Variants in ABCC4 observed in about 807,000 individuals in gnomAD.
ABCC4 encodes ATP-binding cassette sub-family C member 4.
ABCC4 carries 102 observed loss-of-function variants against 168.5 expected under a neutral mutation model. The observed-to-expected ratio is 0.61, with a 90% CI of 0.52 to 0.71. The LOEUF is 0.71. Among genes scored for constraint, ABCC4 ranks in the 30% least tolerant of loss-of-function variants. The probability of loss-of-function intolerance (pLI) is 0.00; values close to 1 mark genes in which losing one functional copy is unlikely to be tolerated. For missense variants in ABCC4, 1,402 were observed against 1,605.8 expected (o/e 0.87, Z 2.17); for synonymous variants, 617 against 590.7 (o/e 1.04, Z -0.65).
At chr13:95,068,494 G>A (rs1189455) in intron 25 of ABCC4, among the ~76,000 whole-genome samples, 56,759 of 152,040 alleles carry the variant, frequency 0.37, 12,027 homozygotes, top group South Asian at 0.63. Flanking sequence ...GCATGGCAGC[G>A]GGTGCCTGTA....
At chr13:95,058,296 A>C (rs539305063) in intron 26 of ABCC4, among the ~76,000 whole-genome samples, 38 of 152,196 alleles carry the variant, frequency 2.5e-4, no homozygotes, top group Admixed American at 9.2e-4. Context: ...AACCTTTTGT[A>C]AGTTGGGTAG....
chr13:95,188,631 G>C lies in ABCC4; in HGVS notation c.1264-89C>G. ...AGAAGAAAACAATACAACAGTCATT[G>C]ATACATGAACATAACCCAAATCTTT... On this transcript the variant is annotated intron_variant, in intron 9 of 30. Coordinates refer to ENST00000645237, the MANE Select transcript of ABCC4 (RefSeq NM_005845.5). 7 of 1,055,216 alleles carry C rather than the reference G, an allele frequency of 6.6e-6. No homozygotes were observed. In the South Asian group the frequency reaches 1.1e-4, roughly 16 times the overall value. 65.4% of individuals were successfully genotyped at this position (1,055,216 alleles called of 1,614,324 possible). A position where few individuals can be genotyped will look rare whatever the true frequency, so the allele number is the denominator to read the frequency against.
chr13:95,100,841 A>T (rs116420740), intron 20 of ABCC4, among the ~76,000 whole-genome samples: 3,588 of 152,278 alleles, frequency 0.024, 95 homozygotes, highest in African/African-American at 0.067. Flanking sequence ...CTTTTGTCCA[A>T]TGGGGATTTG....
At chr13:95,022,094 A>G (rs568335603) in intron 30 of ABCC4, among the ~76,000 whole-genome samples, 1 of 152,326 alleles carries the variant, frequency 6.6e-6, no homozygotes, top group Non-Finnish European at 1.5e-5. Flanking sequence ...GGATGTTAAT[A>G]TCAAGTTGTA....
At chr13:95,089,696 T>C (rs1011762846) in intron 20 of ABCC4, among the ~76,000 whole-genome samples, 1 of 152,022 alleles carries the variant, frequency 6.6e-6, no homozygotes, top group African/African-American at 2.4e-5. Flanking sequence ...ACAAGCCTGA[T>C]TTAAGATCTG....
chr13:95,098,542 T>C (rs1336386314), intron 20 of ABCC4, among the ~76,000 whole-genome samples: 1 of 152,132 alleles, frequency 6.6e-6, no homozygotes, highest in Non-Finnish European at 1.5e-5. Flanking sequence ...AAATGTGAGA[T>C]TATGAACAGT....
At chr13:95,207,775 T>C (rs1231315468) in intron 7 of ABCC4, 25 bp downstream of exon 7, 3 of 1,592,732 alleles carry the variant, frequency 1.9e-6, no homozygotes, top group Non-Finnish European at 2.6e-6. Context: ...TACAAAAATA[T>C]GGTACAATGT....
At chr13:95,300,210 G>A (rs1245730679) in intron 1 of ABCC4, among the ~76,000 whole-genome samples, 7 of 152,106 alleles carry the variant, frequency 4.6e-5, no homozygotes. Context: ...AATGGGTAGG[G>A]CTGTGGGCCC....
intron 27 of ABCC4, among the ~76,000 whole-genome samples, chr13:95,048,520 G>A (rs1216054086): frequency 4.6e-5 from 7 of 152,198 alleles, no homozygotes. Context: ...CAACAGATGG[G>A]AACAACCTTT....
rs4148526 is a variant in ABCC4, at chr13:95,101,354, A to AT, written c.2535+14567dup. The stretch of plus-strand genomic sequence containing the variant: ...TTATTTAAGCTCAGTCAAGCTGCTG[A>AT]TTTTTTTTTTTTTTTAGATGAGGGG... On this transcript the variant is annotated intron_variant, in intron 20 of 30. Transcript: ENST00000645237. Among the ~76,000 whole-genome samples, 1,019 of 141,944 alleles carry AT rather than the reference A, an allele frequency of 7.2e-3. 9 individuals carry two copies. The highest frequency in any genetic ancestry group is 0.021 in the African/African-American group (809 of 38,760). 93.1% of individuals were successfully genotyped at this position (141,944 alleles called of 152,430 possible). A position where few individuals can be genotyped will look rare whatever the true frequency, so the allele number is the denominator to read the frequency against.
intron 13 of ABCC4, among the ~76,000 whole-genome samples, chr13:95,172,396 T>A (rs1014028537): frequency 1.3e-5 from 2 of 151,452 alleles, no homozygotes; most frequent in South Asian, 4.2e-4. Context: ...CACGGTGAAA[T>A]CCCATCTCCA....
chr13:95,190,449 G>A (rs1413993205), intron 9 of ABCC4, among the ~76,000 whole-genome samples: 1 of 152,224 alleles, frequency 6.6e-6, no homozygotes, highest in Non-Finnish European at 1.5e-5. Context: ...GTATCAGGGA[G>A]AAGGGATAGT....
chr13:95,299,880 C>A (rs1387052132), intron 1 of ABCC4, among the ~76,000 whole-genome samples: 1 of 152,180 alleles, frequency 6.6e-6, no homozygotes, highest in Non-Finnish European at 1.5e-5. Flanking sequence ...CTCACTCTGT[C>A]ACCCAGGCTG....
At position 95,247,082 on chromosome 13, in the gene ABCC4, C is replaced by G; in HGVS notation, c.199G>C (p.Glu67Gln). The G allele has an allele frequency of 6.2e-7, 1 of 1,613,546 alleles. No individual in the cohort carries two copies. Among genetic ancestry groups the G allele is most frequent in the East Asian group, 2.2e-5 (1 of 44,886 alleles). Residue 67 changes from glutamate (E) to glutamine (Q), a missense_variant, in exon 3 of 31, where the codon GAA (glutamate) becomes CAA (glutamine). Glu to Gln is a conservative substitution (Grantham distance 29, BLOSUM62 2). Transcript: ENST00000645237. ...GCGTCATTCTCAGCTCTTAAAACTTCTTTATCCCAGAACCTACAATGAGGA... is the reference window on the plus strand; with the variant it reads ...GCGTCATTCTCAGCTCTTAAAACTTGTTTATCCCAGAACCTACAATGAGGA... Reference protein sequence around the residue: ...GEELQGFWDKEVLRAENDAQK... With the variant: ...GEELQGFWDKQVLRAENDAQK...
rs199734420 is a variant in ABCC4 at position 95,177,119 on chromosome 13, CATTAG to C, written c.1727+583_1727+587del. Among the ~76,000 whole-genome samples, 612 of 152,310 alleles carry C rather than the reference CATTAG, an allele frequency of 4.0e-3. 4 individuals are homozygous for C. Among genetic ancestry groups the C allele is most frequent in the African/African-American group, 0.013 (559 of 41,560 alleles). On this transcript the variant is annotated intron_variant, in intron 13 of 30. Transcript: ENST00000645237. ...ACTCTGGTAAGAATCCATGAAGCAA[CATTAG>C]ATTCTTGAAACCACAGTCTACTATG...
rs1555306053 is a variant in ABCC4 at position 95,058,593 on chromosome 13, GAAAAGA to G, written c.3366+4105_3366+4110del. Reference sequence around the variant, plus strand: ...AAAAAAAAAAAAAAAAAAAAAAAAAGAAAAGAAAAAGAAAAAGAAAAGAAAAACAAT... The same window carrying G: ...AAAAAAAAAAAAAAAAAAAAAAAAAGAAAAGAAAAAGAAAAGAAAAACAAT... On this transcript the variant is annotated intron_variant, in intron 26 of 30. Transcript: ENST00000645237. Among the ~76,000 whole-genome samples, 291 of 80,482 alleles carry G rather than the reference GAAAAGA, an allele frequency of 3.6e-3. 4 individuals carry two copies. The highest frequency in any genetic ancestry group is 5.1e-3 in the Non-Finnish European group (222 of 43,426). 52.8% of individuals were successfully genotyped at this position (80,482 alleles called of 152,430 possible). A position where few individuals can be genotyped will look rare whatever the true frequency, so the allele number is the denominator to read the frequency against.
At chr13:95,169,150 C>T (rs912165391) in intron 14 of ABCC4, among the ~76,000 whole-genome samples, 21 of 152,148 alleles carry the variant, frequency 1.4e-4, no homozygotes, top group Admixed American at 1.1e-3. Flanking sequence ...CTTCAGAGAG[C>T]GCGGCCCTGC....
intron 1 of ABCC4, among the ~76,000 whole-genome samples, chr13:95,293,655 C>T (rs550058497): frequency 2.0e-4 from 31 of 151,754 alleles, no homozygotes; most frequent in Non-Finnish European, 3.5e-4. Context: ...TTAGTAGAGA[C>T]GGGGTTTCAT....
At chr13:95,230,946 C>A (rs751771894) in intron 4 of ABCC4, among the ~76,000 whole-genome samples, 1 of 152,204 alleles carries the variant, frequency 6.6e-6, no homozygotes. Context: ...ATATTATTCA[C>A]TCTTTCAAAG....
Sources: allele counts gnomAD v4.1 joint callset (sites outside exome capture counted in the v4.1 genomes callset), GRCh38; gene constraint gnomAD v4.1.1; transcripts MANE v1.5; gene names NCBI Gene and HGNC (gene_info 2026-07-23, HGNC 2026-07-21).